Variants in PLXNA2 observed in about 807,000 individuals in gnomAD.
PLXNA2 encodes the protein plexin A2, also known as plexin-A2.
PLXNA2 carries 91 observed loss-of-function variants against 193.5 expected under a neutral mutation model. That is an observed-to-expected ratio of 0.47 (90% CI 0.40 to 0.56). PLXNA2 has a LOEUF of 0.56. PLXNA2 is among the 20% of genes least tolerant of loss of function. The probability of loss-of-function intolerance (pLI) is 0.00; values close to 1 mark genes in which losing one functional copy is unlikely to be tolerated. For missense variants in PLXNA2, 1,995 were observed against 2,503.2 expected (o/e 0.80, Z 4.33); for synonymous variants, 997 against 1,027.3 (o/e 0.97, Z 0.56).
At chr1:208,054,727 T>C (rs925963467) in intron 13 of PLXNA2, among the ~76,000 whole-genome samples, 189 bp from the exon 14 acceptor site, 4 of 152,244 alleles carry the variant, frequency 2.6e-5, no homozygotes, top group Non-Finnish European at 4.4e-5. Context: ...TTTGGTCTCA[T>C]CTGCACAGTG....
Position 208,039,624 on chromosome 1 carries a change from G to A in PLXNA2, c.4497C>T (p.Thr1499=). The A allele has an allele frequency of 1.2e-6, 2 of 1,613,680 alleles. No individual in the cohort carries two copies. Among genetic ancestry groups the A allele is most frequent in the Non-Finnish European group, 1.7e-6 (2 of 1,180,022 alleles). Residue 1499 remains threonine, a synonymous_variant, in exon 24 of 32, where the codon ACC becomes ACT. Transcript: ENST00000367033. ...CCGGAGCTTCCGGCTTCCTCACCAGGGTCTTGTACTCGATCTGCTGCCGGA... is the reference window on the plus strand; with the variant it reads ...CCGGAGCTTCCGGCTTCCTCACCAGAGTCTTGTACTCGATCTGCTGCCGGA... ...KLIRQQIEYK[T]LILNCVNPDN...
intron 29 of PLXNA2, chr1:208,029,504 C>A: frequency 1.0e-6 from 1 of 999,842 alleles, no homozygotes; most frequent in Non-Finnish European, 1.2e-6. Context: ...GCGCCACCTG[C>A]GCTCCCCGCC....
chr1:208,104,092 G>A (rs896564065), intron 4 of PLXNA2, among the ~76,000 whole-genome samples: 3 of 152,226 alleles, frequency 2.0e-5, no homozygotes, highest in Non-Finnish European at 2.9e-5. Context: ...GCTGGCTGGG[G>A]CAGGAGGCTG....
intron 3 of PLXNA2, among the ~76,000 whole-genome samples, chr1:208,199,785 G>T (rs1275994986): frequency 6.6e-6 from 1 of 152,130 alleles, no homozygotes; most frequent in African/African-American, 2.4e-5. Context: ...TGCCTCCGTG[G>T]GTAAGAACCT....
chr1:208,056,166 T>C (rs558746751), intron 13 of PLXNA2, among the ~76,000 whole-genome samples: 5 of 152,366 alleles, frequency 3.3e-5, no homozygotes, highest in Middle Eastern at 6.8e-3. Flanking sequence ...GGCAACCCGC[T>C]GCTGTTTCAG....
At chr1:208,137,172 C>T (rs769494841) in intron 4 of PLXNA2, among the ~76,000 whole-genome samples, 17 of 152,220 alleles carry the variant, frequency 1.1e-4, no homozygotes, top group Non-Finnish European at 2.4e-4. Context: ...ACACACCCAT[C>T]ACCATCCTTT....
chr1:208,079,254 A>T lies in PLXNA2; in HGVS notation c.2586+6T>A, dbSNP rs1666252879. 1.3e-6 allele frequency: 2 copies of T among 1,598,486 alleles called. No homozygotes were observed. Among genetic ancestry groups the T allele is most frequent in the Non-Finnish European group, 1.7e-6 (2 of 1,166,908 alleles). ...CCTTCCTGCTCTAGAGACTTGCAGG[A>T]CTTACCTCGGTGATTTGAGGGTTGG... On this transcript the variant is annotated splice_donor_region_variant and intron_variant, in intron 12 of 31. Coordinates refer to ENST00000367033, the MANE Select transcript of PLXNA2 (RefSeq NM_025179.4).
intron 1 of PLXNA2, among the ~76,000 whole-genome samples, chr1:208,232,768 C>A (rs1050111233): frequency 6.6e-6 from 1 of 152,216 alleles, no homozygotes; most frequent in African/African-American, 2.4e-5. Context: ...CTAATCCCAG[C>A]CTAGCCTTCC....
Position 208,218,843 on chromosome 1 carries a change from A to G in PLXNA2, c.-80-841T>C, listed in dbSNP as rs114361237. 9.9e-4 allele frequency among the ~76,000 whole-genome samples: 150 copies of G among 152,260 alleles called. No homozygotes were observed. In the Middle Eastern group the frequency reaches 0.01, roughly 10 times the overall value. ...GCCAGGTCCTCGGGAAATTGCTTCA[A>G]CCTCTGCCTCTCTGCAGGCAGAGCA... is the stretch of plus-strand genomic sequence containing the variant. On this transcript the variant is annotated intron_variant, in intron 1 of 31. Coordinates refer to ENST00000367033, the MANE Select transcript of PLXNA2 (RefSeq NM_025179.4).
At chr1:208,069,293 C>A (rs1240304534) in intron 12 of PLXNA2, among the ~76,000 whole-genome samples, 5 of 152,172 alleles carry the variant, frequency 3.3e-5, no homozygotes, top group Admixed American at 6.5e-5. Flanking sequence ...TGCTCAGACC[C>A]CACCTTGACA....
chr1:208,162,084 T>G (rs573465505), intron 3 of PLXNA2, among the ~76,000 whole-genome samples: 4 of 152,284 alleles, frequency 2.6e-5, no homozygotes, highest in South Asian at 4.1e-4. Context: ...TTGTAGCTCC[T>G]TAGAGCTCTC....
chr1:208,132,784 G>A (rs1172111060), intron 4 of PLXNA2, among the ~76,000 whole-genome samples: 1 of 152,228 alleles, frequency 6.6e-6, no homozygotes, highest in South Asian at 2.1e-4. Context: ...GCGGGTAGTA[G>A]GTTCCTGGTA....
intron 5 of PLXNA2, among the ~76,000 whole-genome samples, chr1:208,102,168 G>A (rs542825538): frequency 2.6e-4 from 40 of 152,316 alleles, no homozygotes; most frequent in African/African-American, 9.4e-4. Context: ...CATCTGTGAG[G>A]CACCAGCTTC....
At chr1:208,032,576 C>T (rs772788599) in intron 28 of PLXNA2, among the ~76,000 whole-genome samples, 7 of 152,164 alleles carry the variant, frequency 4.6e-5, no homozygotes, top group Non-Finnish European at 1.0e-4. Flanking sequence ...GAGGGTCCAT[C>T]GGGGAGAATA....
intron 4 of PLXNA2, among the ~76,000 whole-genome samples, chr1:208,119,869 C>G (rs903236496): frequency 1.3e-5 from 2 of 152,254 alleles, no homozygotes; most frequent in East Asian, 3.8e-4. Context: ...CCTGCCTAGC[C>G]TCCCAAAGTG....
At chr1:208,045,769 CA>C (rs1210948073) in intron 18 of PLXNA2, 108 bp downstream of exon 18, 6 of 1,364,312 alleles carry the variant, frequency 4.4e-6, no homozygotes, top group Non-Finnish European at 6.1e-6. Flanking sequence ...TTTGCAAGTT[CA>C]ATTGCATAGA....
chr1:208,202,899 A>C (rs1670597229), intron 3 of PLXNA2, among the ~76,000 whole-genome samples: 1 of 152,210 alleles, frequency 6.6e-6, no homozygotes, highest in Non-Finnish European at 1.5e-5. Flanking sequence ...GAATTGTCCA[A>C]GATTGAAGTA....
Position 208,217,910 on chromosome 1 carries a change from G to T in PLXNA2, c.13C>A (p.Arg5=). ...ACCTCCAGGGCCCGGGGCCAGGGCC[G>T]CCTCTGTTCCATGCTGAGAGGGGCG... MEQR[R]PWPRALEVDS... Residue 5 remains arginine (R), a synonymous_variant, in exon 2 of 32, where the codon CGG becomes AGG. Coordinates refer to ENST00000367033, the MANE Select transcript of PLXNA2 (RefSeq NM_025179.4). This position sits in a 1 kb window ranked among gnomAD's most constrained non-coding sequence, Gnocchi z 4.7. The T allele has an allele frequency of 6.2e-7, 1 of 1,609,582 alleles. No individual in the cohort carries two copies. The highest frequency in any genetic ancestry group is 8.5e-7 in the Non-Finnish European group (1 of 1,179,890).
chr1:208,110,722 C>T (rs992087206), intron 4 of PLXNA2, among the ~76,000 whole-genome samples: 6 of 152,148 alleles, frequency 3.9e-5, no homozygotes, highest in African/African-American at 1.4e-4. Flanking sequence ...AAATTGGTGT[C>T]TAAGTTTGTT....
Sources: gnomAD v4.1 joint callset for allele counts (sites outside exome capture counted in the v4.1 genomes callset) on GRCh38, gnomAD v4.1.1 for gene constraint, Gnocchi (gnomAD v3.1) non-coding constraint, MANE v1.5 for transcripts, NCBI Gene and HGNC (gene_info 2026-07-23, HGNC 2026-07-21) for gene names.